ACYP2: variants seen among roughly 807,000 people sequenced by gnomAD.
The protein encoded by ACYP2 is acylphosphatase-2.
Under a neutral mutation model 11.2 loss-of-function variants are expected in ACYP2, and 12 were observed. The observed-to-expected ratio is 1.08, with a 90% CI of 0.69 to 1.74. The LOEUF (loss-of-function observed/expected upper bound fraction) is 1.74. Ranked by LOEUF, ACYP2 falls within the 40% of genes most tolerant of loss-of-function variation. ACYP2 has a pLI of 0.00. For missense variants in ACYP2, 134 were observed against 101.9 expected, an observed-to-expected ratio of 1.31 and a Z score of -1.35; for synonymous variants, 43 against 32.2, an observed-to-expected ratio of 1.33 and a Z score of -1.13.
intron 6 of ACYP2, among the ~76,000 whole-genome samples, chr2:54,140,455 C>T (rs1681541006): frequency 6.6e-6 from 1 of 152,038 alleles, no homozygotes; most frequent in Admixed American, 6.6e-5. Flanking sequence ...GCATTCTCCA[C>T]CCTTCTTAAG....
intron 6 of ACYP2, among the ~76,000 whole-genome samples, chr2:54,257,978 T>G (rs1687628495): frequency 6.6e-6 from 1 of 152,240 alleles, no homozygotes; most frequent in Admixed American, 6.5e-5. Context: ...TCCATTTTTA[T>G]ATTTATTAAA....
chr2:54,269,242 C>G (rs1161494939), intron 6 of ACYP2, among the ~76,000 whole-genome samples: 2 of 152,156 alleles, frequency 1.3e-5, no homozygotes, highest in African/African-American at 2.4e-5. Flanking sequence ...GCCACTGTGC[C>G]CAGCCTGAGC....
intron 6 of ACYP2, among the ~76,000 whole-genome samples, chr2:54,297,799 A>G (rs1167736591): frequency 6.6e-6 from 1 of 152,216 alleles, no homozygotes; most frequent in African/African-American, 2.4e-5. Context: ...CAGGACCTGA[A>G]TTAAACAAAC....
intron 2 of ACYP2, among the ~76,000 whole-genome samples, chr2:54,037,749 A>T (rs1318547360): frequency 6.6e-6 from 1 of 152,226 alleles, no homozygotes; most frequent in Non-Finnish European, 1.5e-5. Context: ...TGAATAAAAT[A>T]TATAGTAAAA....
At chr2:54,094,862 T>C (rs1678431814) in intron 4 of ACYP2, among the ~76,000 whole-genome samples, 1 of 152,184 alleles carries the variant, frequency 6.6e-6, no homozygotes, top group South Asian at 2.1e-4. Context: ...TATTTTATTA[T>C]TATTTTTTAA....
intron 2 of ACYP2, among the ~76,000 whole-genome samples, chr2:54,011,789 T>A (rs1673387118): frequency 6.6e-6 from 1 of 152,188 alleles, no homozygotes; most frequent in African/African-American, 2.4e-5. Context: ...ATTTTCTTCT[T>A]GAGTAGCTCA....
intron 6 of ACYP2, among the ~76,000 whole-genome samples, chr2:54,276,941 C>T (rs1250744700): frequency 6.6e-6 from 1 of 152,134 alleles, no homozygotes; most frequent in East Asian, 1.9e-4. Context: ...TACCATATTA[C>T]AATCATCTTT....
chr2:54,254,944 C>CT (rs760153989), intron 6 of ACYP2: 6 of 1,612,842 alleles, frequency 3.7e-6, no homozygotes, highest in Admixed American at 3.3e-5. Flanking sequence ...CCCAAAGGGC[C>CT]TGGGGATCTC....
chr2:54,079,725 G>C (rs949615409), intron 4 of ACYP2, among the ~76,000 whole-genome samples: 4 of 152,136 alleles, frequency 2.6e-5, no homozygotes, highest in African/African-American at 9.7e-5. Flanking sequence ...GGAATAGCTT[G>C]ATGCTTACAC....
chr2:54,162,026 A>G (rs1682734637), intron 6 of ACYP2, among the ~76,000 whole-genome samples: 1 of 152,102 alleles, frequency 6.6e-6, no homozygotes, highest in African/African-American at 2.4e-5. Context: ...TTGTTTCACA[A>G]CCATATAGAT....
intron 4 of ACYP2, among the ~76,000 whole-genome samples, chr2:54,083,984 A>G (rs1446897775): frequency 6.6e-6 from 1 of 152,246 alleles, no homozygotes; most frequent in African/African-American, 2.4e-5. Flanking sequence ...ACACCAAATT[A>G]TAAATTTTGA....
chr2:54,032,954 G>T (rs1222873686), intron 2 of ACYP2, among the ~76,000 whole-genome samples: 1 of 152,148 alleles, frequency 6.6e-6, no homozygotes, highest in South Asian at 2.1e-4. Flanking sequence ...AGATAAAGCT[G>T]GAAAGAAAGA....
chr2:54,112,202 CA>C (rs1394467778), intron 4 of ACYP2, among the ~76,000 whole-genome samples: 1 of 152,104 alleles, frequency 6.6e-6, no homozygotes, highest in Non-Finnish European at 1.5e-5. Flanking sequence ...TCCTAGATCA[CA>C]AACCAATTGT....
intron 6 of ACYP2, among the ~76,000 whole-genome samples, chr2:54,219,905 A>ATATATATATATATTTT (rs1288814375): frequency 6.6e-5 from 5 of 75,992 alleles, no homozygotes; most frequent in Non-Finnish European, 1.2e-4. Flanking sequence ...ATATATATAT[A>ATATATATATATATTTT]TTTTTTTTTT....
At chr2:54,231,874 C>G (rs761086302) in intron 6 of ACYP2, among the ~76,000 whole-genome samples, 1 of 152,144 alleles carries the variant, frequency 6.6e-6, no homozygotes, top group Non-Finnish European at 1.5e-5. Context: ...GCATATCGGG[C>G]GCTGTACTAA....
chr2:54,041,752 A>G (rs1164920565), intron 2 of ACYP2, among the ~76,000 whole-genome samples: 1 of 152,156 alleles, frequency 6.6e-6, no homozygotes. Flanking sequence ...GTATCAAATG[A>G]ACGCATACAT....
chr2:54,122,433 C>T (rs1369702255), intron 4 of ACYP2, among the ~76,000 whole-genome samples: 3 of 152,138 alleles, frequency 2.0e-5, no homozygotes, highest in Non-Finnish European at 4.4e-5. Flanking sequence ...GATGTCTGCC[C>T]CAGTTTCCAG....
At chr2:54,212,147 A>T (rs531891297) in intron 6 of ACYP2, among the ~76,000 whole-genome samples, 37 of 152,284 alleles carry the variant, frequency 2.4e-4, no homozygotes, top group Non-Finnish European at 4.6e-4. Context: ...GATTTTTTTT[A>T]AAAATCTGAA....
intron 2 of ACYP2, among the ~76,000 whole-genome samples, chr2:53,983,908 C>A (rs1671885121): frequency 6.6e-6 from 1 of 152,102 alleles, no homozygotes; most frequent in African/African-American, 2.4e-5. Context: ...AAATGTATAT[C>A]ATGGCAAGAA....
Sources: gnomAD v4.1 joint callset for allele counts (sites outside exome capture counted in the v4.1 genomes callset) on GRCh38, gnomAD v4.1.1 for gene constraint, MANE v1.5 for transcripts, NCBI Gene and HGNC (gene_info 2026-07-23, HGNC 2026-07-21) for gene names.